DAB2IP: variants seen among roughly 807,000 people sequenced by gnomAD.
DAB2IP encodes the protein disabled homolog 2-interacting protein.
DAB2IP carries 28 observed loss-of-function variants against 107.2 expected under a neutral mutation model. That is an observed-to-expected ratio of 0.26 (90% confidence interval 0.19 to 0.36). The LOEUF is 0.36. Among genes scored for constraint, DAB2IP ranks in the 10% least tolerant of loss-of-function variants. The pLI, the probability that DAB2IP is intolerant of heterozygous loss-of-function variation, is 1.00. For synonymous variants in DAB2IP, 755 were observed against 706.4 expected, an observed-to-expected ratio of 1.07 and a Z score of -1.09; for missense variants, 1,400 against 1,644.7, an observed-to-expected ratio of 0.85 and a Z score of 2.57.
intron 3 of DAB2IP, among the ~76,000 whole-genome samples, chr9:121,713,802 C>T (rs1038493684): frequency 5.3e-5 from 8 of 152,194 alleles, no homozygotes; most frequent in Admixed American, 3.9e-4. Flanking sequence ...ATACCATACA[C>T]CATGAAAGGT....
chr9:121,640,451 C>T (rs1263826959), intron 1 of DAB2IP, among the ~76,000 whole-genome samples: 2 of 152,166 alleles, frequency 1.3e-5, no homozygotes, highest in African/African-American at 4.8e-5. Context: ...AACTTCCTTA[C>T]AGCTTCCCGG....
At chr9:121,693,613 C>T (rs1589527548) in intron 2 of DAB2IP, among the ~76,000 whole-genome samples, 1 of 152,326 alleles carries the variant, frequency 6.6e-6, no homozygotes, top group Non-Finnish European at 1.5e-5. Context: ...GGAGGGCCCA[C>T]AGGGTTCTGC....
At chr9:121,641,405 C>G (rs1004491986) in intron 1 of DAB2IP, among the ~76,000 whole-genome samples, 3 of 152,178 alleles carry the variant, frequency 2.0e-5, no homozygotes, top group Non-Finnish European at 2.9e-5. Context: ...CAGTGCTTGC[C>G]TCTCCTCTAA....
chr9:121,770,188 C>T (rs950386650), intron 10 of DAB2IP, among the ~76,000 whole-genome samples: 1 of 152,200 alleles, frequency 6.6e-6, no homozygotes, highest in African/African-American at 2.4e-5. Flanking sequence ...GGGGCTGTCA[C>T]AGAAGCCTCT....
Position 121,776,329 on chromosome 9 carries a change from C to G in DAB2IP, c.3252C>G (p.Gly1084=). The G allele has an allele frequency of 6.4e-7, 1 of 1,559,742 alleles. No individual in the cohort carries two copies. The highest frequency in any genetic ancestry group is 8.7e-7 in the Non-Finnish European group (1 of 1,151,814). Reference sequence around the variant, plus strand: ...AGTACCAGGCACGGCTGGAGGAGGGCGAGGAGCGGCTGCGGCGGCAGCAGG... The same window carrying G: ...AGTACCAGGCACGGCTGGAGGAGGGGGAGGAGCGGCTGCGGCGGCAGCAGG... The change falls in exon 14 of 16, where the codon GGC becomes GGG. Residue 1084 remains glycine, a synonymous_variant. Transcript: ENST00000408936. This position sits in a 1 kb window ranked among gnomAD's most constrained non-coding sequence, Gnocchi z 5.4.
intron 5 of DAB2IP, 69 bp from the exon 6 acceptor site, chr9:121,759,816 G>C: frequency 7.0e-7 from 1 of 1,437,628 alleles, no homozygotes; most frequent in Non-Finnish European, 9.5e-7. Flanking sequence ...ACTCTCTCAG[G>C]CTCTGGGCTG....
exon 16 of DAB2IP, chr9:121,785,136 C>T (rs1412693263): frequency 3.3e-5 from 5 of 152,720 alleles, no homozygotes; most frequent in Non-Finnish European, 7.3e-5. Context: ...AGTGAGGACT[C>T]TTTCCGACTG....
At chr9:121,567,093 C>A in exon 1 of DAB2IP, 3 of 1,540,374 alleles carry the variant, frequency 1.9e-6, no homozygotes, top group African/African-American at 2.7e-5. Context: ...GTTGGAAAAG[C>A]CGCCAGATGG....
intron 2 of DAB2IP, among the ~76,000 whole-genome samples, chr9:121,679,060 G>A (rs1209064380): frequency 6.6e-6 from 1 of 152,156 alleles, no homozygotes; most frequent in Admixed American, 6.5e-5. Context: ...GAGCTGGCCC[G>A]GAAAGAGAAG....
At chr9:121,611,805 A>C (rs1336717895) in intron 1 of DAB2IP, among the ~76,000 whole-genome samples, 1 of 151,732 alleles carries the variant, frequency 6.6e-6, no homozygotes, top group Non-Finnish European at 1.5e-5. Context: ...GGGTGGTCTC[A>C]AACTCCTGGC....
intron 2 of DAB2IP, among the ~76,000 whole-genome samples, chr9:121,682,765 G>C (rs1156428600): frequency 1.3e-5 from 2 of 152,152 alleles, no homozygotes; most frequent in Non-Finnish European, 2.9e-5. Flanking sequence ...AGAGTTCCCC[G>C]ACCCAGGTTT....
chr9:121,568,507 G>C (rs929844493), intron 1 of DAB2IP, among the ~76,000 whole-genome samples: 2 of 152,168 alleles, frequency 1.3e-5, no homozygotes, highest in African/African-American at 4.8e-5. Flanking sequence ...AGGGAGGAGA[G>C]AGGGAAAAAA....
rs116157566 is a variant in DAB2IP at position 121,578,273 on chromosome 9, C to T, written c.40+11045C>T. On this transcript the variant is annotated intron_variant, in intron 1 of 16. Transcript: ENST00000259371. ...ATCTCTGTTCCTATCTCTCTCAGTC[C>T]TTCTGTCTCAGTCATCTCTATATAT... is the stretch of plus-strand genomic sequence containing the variant. 2.9e-3 allele frequency among the ~76,000 whole-genome samples: 441 copies of T among 152,014 alleles called. 2 individuals carry two copies. Among genetic ancestry groups the T allele is most frequent in the African/African-American group, 7.5e-3 (309 of 41,428 alleles).
chr9:121,670,969 G>A (rs1259144928), intron 1 of DAB2IP, among the ~76,000 whole-genome samples: 2 of 152,136 alleles, frequency 1.3e-5, no homozygotes, highest in Non-Finnish European at 2.9e-5. Flanking sequence ...TGGCCAACAT[G>A]GTGAAACCCC....
chr9:121,695,252 C>T (rs75767488), intron 2 of DAB2IP, among the ~76,000 whole-genome samples: 7,880 of 152,262 alleles, frequency 0.052, 445 homozygotes, highest in African/African-American at 0.13. Flanking sequence ...GCCGGGCGGC[C>T]CACAGCCTCC....
chr9:121,763,968 T>G, intron 8 of DAB2IP, 89 bp downstream of exon 8: 7 of 1,548,236 alleles, frequency 4.5e-6, no homozygotes, highest in Non-Finnish European at 6.1e-6. Flanking sequence ...TGATGCTGCC[T>G]GGCCCCTGAG....
At chr9:121,727,221 A>C (rs1439334691) in intron 3 of DAB2IP, among the ~76,000 whole-genome samples, 3 of 152,182 alleles carry the variant, frequency 2.0e-5, no homozygotes, top group Non-Finnish European at 4.4e-5. Flanking sequence ...AAGCAGAGAC[A>C]CTGATGTAAC....
intron 1 of DAB2IP, among the ~76,000 whole-genome samples, chr9:121,617,960 T>C (rs1319560352): frequency 6.6e-6 from 1 of 152,210 alleles, no homozygotes; most frequent in African/African-American, 2.4e-5. Flanking sequence ...TTTAATCACC[T>C]GCTAGACTGA....
Position 121,782,191 on chromosome 9 carries a change from C to T in DAB2IP, c.3403-140C>T, listed in dbSNP as rs1466599238. ...TGCTGCAGAGGCCTCTGCCTACCTTCTCTTGCCAGCTGCTCACAGCCCGGA... is the reference window on the plus strand; with the variant it reads ...TGCTGCAGAGGCCTCTGCCTACCTTTTCTTGCCAGCTGCTCACAGCCCGGA... On this transcript the variant is annotated intron_variant, in intron 15 of 15. Transcript: ENST00000408936. This position sits in a 1 kb window ranked among gnomAD's most constrained non-coding sequence, Gnocchi z 6.1. The T allele has an allele frequency of 7.2e-7, 1 of 1,389,642 alleles. No individual in the cohort carries two copies. Among genetic ancestry groups the T allele is most frequent in the African/African-American group, 1.5e-5 (1 of 68,830 alleles). 86.1% of individuals were successfully genotyped at this position (1,389,642 alleles called of 1,614,324 possible). A position where few individuals can be genotyped will look rare whatever the true frequency, so the allele number is the denominator to read the frequency against.
Sources: allele counts gnomAD v4.1 joint callset (sites outside exome capture counted in the v4.1 genomes callset), GRCh38; gene constraint gnomAD v4.1.1; non-coding constraint Gnocchi (gnomAD v3.1); transcripts MANE v1.5; gene names NCBI Gene and HGNC (gene_info 2026-07-23, HGNC 2026-07-21).